The following SOX6 variants were observed in gnomAD, a reference collection of about 807,000 sequenced individuals.
The protein encoded by SOX6 is SRY-box transcription factor 6.
A neutral mutation model predicts 97.8 loss-of-function variants in SOX6; 11 were observed. The observed-to-expected ratio is 0.11, with a 90% confidence interval of 0.07 to 0.19. The LOEUF is 0.19. Among genes scored for constraint, SOX6 ranks in the 10% least tolerant of loss-of-function variants. The pLI, the probability that SOX6 is intolerant of heterozygous loss-of-function variation, is 1.00. For synonymous variants in SOX6, 360 were observed against 371.4 expected (o/e 0.97, Z 0.35); for missense variants, 810 against 1,039.5 (o/e 0.78, Z 3.04).
At chr11:16,553,280 C>T (rs1847710345) in intron 4 of SOX6, among the ~76,000 whole-genome samples, 2 of 152,180 alleles carry the variant, frequency 1.3e-5, no homozygotes, top group South Asian at 4.1e-4. Flanking sequence ...AACTCATAGG[C>T]TGTGCACCCA....
At position 16,275,837 on chromosome 11, in the gene SOX6, A is replaced by G. The variant is rs183104663; in HGVS notation, c.446-41166T>C. 3.3e-5 allele frequency among the ~76,000 whole-genome samples: 5 copies of G among 152,350 alleles called. No individual in the cohort carries two copies. In the East Asian group the frequency reaches 7.7e-4, roughly 23 times the overall value. On this transcript the variant is annotated intron_variant, in intron 3 of 15. Transcript: ENST00000683767. ...GCTTTCCTCAGATCAGGAAGTGAAT[A>G]TCATCTTAGACACTTTATTACAAAG... is the stretch of plus-strand genomic sequence containing the variant.
intron 13 of SOX6, among the ~76,000 whole-genome samples, chr11:15,990,109 C>T (rs1854000139): frequency 6.6e-6 from 1 of 152,008 alleles, no homozygotes; most frequent in Admixed American, 6.6e-5. Flanking sequence ...AGTCCTCTTG[C>T]TTTCAGGAGA....
chr11:15,973,425 G>C (rs1297348498), intron 15 of SOX6, among the ~76,000 whole-genome samples: 1 of 152,184 alleles, frequency 6.6e-6, no homozygotes, highest in Non-Finnish European at 1.5e-5. Flanking sequence ...AAATGATGTA[G>C]TGAATTCCAC....
chr11:16,145,839 A>G (rs1850277728), intron 6 of SOX6, among the ~76,000 whole-genome samples: 1 of 152,206 alleles, frequency 6.6e-6, no homozygotes, highest in Non-Finnish European at 1.5e-5. Context: ...TTACTGCTCA[A>G]CAAAATAAAA....
In SOX6 at chr11:16,458,298, G is replaced by A. The variant is rs142917657; in HGVS notation, c.-5+18017C>T. 4.7e-4 allele frequency among the ~76,000 whole-genome samples: 72 copies of A among 152,092 alleles called. No homozygotes were observed. The East Asian group carries it at 0.013, about 27-fold the overall frequency. On this transcript the variant is annotated intron_variant, in intron 1 of 15. Coordinates refer to the SOX6 transcript ENST00000396356. ...GTAGACAAGGCAGATATTTCTCTAA[G>A]AGCTTACAATCTGCCACAAGACACA...
intron 3 of SOX6, among the ~76,000 whole-genome samples, chr11:16,674,686 C>T (rs931199154): frequency 4.6e-5 from 7 of 151,962 alleles, no homozygotes; most frequent in Admixed American, 4.6e-4. Flanking sequence ...CATGGTAGCT[C>T]ACACATGTAA....
At chr11:16,582,615 A>G (rs570689286) in intron 4 of SOX6, among the ~76,000 whole-genome samples, 1 of 152,256 alleles carries the variant, frequency 6.6e-6, no homozygotes, top group South Asian at 2.1e-4. Flanking sequence ...AGATCTCAAA[A>G]AAAAACCATA....
At chr11:16,003,056 C>T (rs1854449675) in intron 13 of SOX6, among the ~76,000 whole-genome samples, 1 of 152,144 alleles carries the variant, frequency 6.6e-6, no homozygotes, top group Non-Finnish European at 1.5e-5. Context: ...TGATCTGTCA[C>T]AAATGCAATT....
At chr11:16,411,933 G>T (rs1045403819) in intron 1 of SOX6, among the ~76,000 whole-genome samples, 5 of 152,090 alleles carry the variant, frequency 3.3e-5, no homozygotes, top group African/African-American at 9.7e-5. Context: ...CACAAGCAGA[G>T]AATATTTCTT....
intron 6 of SOX6, among the ~76,000 whole-genome samples, chr11:16,152,197 T>A (rs957182401): frequency 6.6e-6 from 1 of 152,188 alleles, no homozygotes; most frequent in Non-Finnish European, 1.5e-5. Flanking sequence ...GGTTCTTTTT[T>A]AAAACAACCT....
At chr11:16,214,284 A>G (rs140487827) in intron 4 of SOX6, among the ~76,000 whole-genome samples, 1 of 152,306 alleles carries the variant, frequency 6.6e-6, no homozygotes, top group African/African-American at 2.4e-5. Flanking sequence ...GCAGGTAACT[A>G]GGACAGGACA....
At chr11:16,180,266 G>A (rs1851312495) in intron 6 of SOX6, among the ~76,000 whole-genome samples, 1 of 151,750 alleles carries the variant, frequency 6.6e-6, no homozygotes, top group African/African-American at 2.4e-5. Context: ...CTGTTTACCA[G>A]TTAGCATAAC....
intron 1 of SOX6, among the ~76,000 whole-genome samples, chr11:16,422,270 C>T (rs554792537): frequency 6.6e-6 from 1 of 152,298 alleles, no homozygotes; most frequent in South Asian, 2.1e-4. Flanking sequence ...TTACATTTGA[C>T]AGTTTATGTC....
chr11:16,000,729 T>A (rs567036211), intron 13 of SOX6, among the ~76,000 whole-genome samples: 30 of 152,022 alleles, frequency 2.0e-4, no homozygotes, highest in African/African-American at 7.3e-4. Context: ...TGTGTGTGTG[T>A]GCGCGCGTGC....
intron 6 of SOX6, among the ~76,000 whole-genome samples, chr11:16,160,767 AG>A (rs938809265): frequency 2.0e-5 from 3 of 152,214 alleles, no homozygotes; most frequent in Non-Finnish European, 4.4e-5. Flanking sequence ...AAAGCAGCAC[AG>A]TGAGCCCAGG....
chr11:16,565,511 G>C (rs1398613555), intron 4 of SOX6, among the ~76,000 whole-genome samples: 1 of 150,924 alleles, frequency 6.6e-6, no homozygotes, highest in African/African-American at 2.4e-5. Flanking sequence ...CAAAGCTTCA[G>C]ACCAAAACTC....
chr11:16,728,217 C>A (rs997064510), intron 2 of SOX6, among the ~76,000 whole-genome samples: 5 of 152,210 alleles, frequency 3.3e-5, no homozygotes, highest in African/African-American at 1.2e-4. Flanking sequence ...CAGCATAGCA[C>A]TCGAGCTCTG....
At chr11:16,025,339 G>C (rs1464358764) in intron 12 of SOX6, among the ~76,000 whole-genome samples, 1 of 152,082 alleles carries the variant, frequency 6.6e-6, no homozygotes, top group Non-Finnish European at 1.5e-5. Flanking sequence ...TTCACAAAAA[G>C]TCCCACTGTA....
At position 16,046,597 on chromosome 11, in the gene SOX6, G is replaced by T; in HGVS notation, c.1540C>A (p.Gln514Lys). 1 of 1,613,746 alleles carries T rather than the reference G, an allele frequency of 6.2e-7. No individual in the cohort carries two copies. Among genetic ancestry groups the T allele is most frequent in the South Asian group, 1.1e-5 (1 of 91,088 alleles). Residue 514 changes from glutamine (Q) to lysine (K), a missense_variant, in exon 12 of 16, where the codon CAA (glutamine) becomes AAA (lysine). By Grantham distance (53) the Gln-to-Lys change is moderately conservative. Transcript: ENST00000683767. Reference protein sequence around the residue: ...RKMREQIQREQQQQQPHGVDG... With the variant: ...RKMREQIQREKQQQQPHGVDG... ...ACACCATGTGGCTGTTGCTGCTGTT[G>T]CTCCCGCTGGATCTGCTCTCGCATC...
Sources: gnomAD v4.1 joint callset for allele counts (sites outside exome capture counted in the v4.1 genomes callset) on GRCh38, gnomAD v4.1.1 for gene constraint, MANE v1.5 for transcripts, NCBI Gene and HGNC (gene_info 2026-07-23, HGNC 2026-07-21) for gene names.